Variants in DOK6 observed in about 807,000 individuals in gnomAD.
DOK6 encodes docking protein 6, also known as downstream of tyrosine kinase 6.
Under a neutral mutation model 44.0 loss-of-function variants are expected in DOK6, and 22 were observed. The ratio of observed to expected loss-of-function variants is 0.50; its 90% CI spans 0.36 to 0.71. The LOEUF is 0.71. DOK6 is among the 30% of genes least tolerant of loss of function. The pLI, the probability that DOK6 is intolerant of heterozygous loss-of-function variation, is 0.00. For missense variants in DOK6, 340 were observed against 416.4 expected, an observed-to-expected ratio of 0.82 and a Z score of 1.60; for synonymous variants, 166 against 145.5, an observed-to-expected ratio of 1.14 and a Z score of -1.01.
chr18:69,459,320 T>A (rs969633740), intron 1 of DOK6, among the ~76,000 whole-genome samples: 3 of 151,850 alleles, frequency 2.0e-5, no homozygotes, highest in African/African-American at 7.3e-5. Flanking sequence ...TTTCTAGGGC[T>A]CATACATTTC....
chr18:69,727,650 A>C (rs976742305), intron 5 of DOK6, among the ~76,000 whole-genome samples: 1 of 152,236 alleles, frequency 6.6e-6, no homozygotes, highest in Non-Finnish European at 1.5e-5. Context: ...CGGTAAAAGA[A>C]AACCTTTGCC....
intron 1 of DOK6, among the ~76,000 whole-genome samples, chr18:69,496,033 T>C (rs756821726): frequency 1.3e-5 from 2 of 152,150 alleles, no homozygotes; most frequent in Non-Finnish European, 2.9e-5. Flanking sequence ...CTGCAGGGCA[T>C]TGTGGCTTGT....
intron 7 of DOK6, among the ~76,000 whole-genome samples, chr18:69,824,380 G>A (rs1374893718): frequency 6.6e-6 from 1 of 151,818 alleles, no homozygotes; most frequent in African/African-American, 2.4e-5. Flanking sequence ...GTCTCACTCT[G>A]TTGCCCAGGC....
At chr18:69,569,579 A>G (rs962130382) in intron 2 of DOK6, among the ~76,000 whole-genome samples, 1 of 152,256 alleles carries the variant, frequency 6.6e-6, no homozygotes, top group African/African-American at 2.4e-5. Flanking sequence ...TCAACCTGAT[A>G]TGATTCAGAT....
chr18:69,601,798 G>A (rs1390757774), intron 3 of DOK6, among the ~76,000 whole-genome samples: 1 of 152,132 alleles, frequency 6.6e-6, no homozygotes, highest in African/African-American at 2.4e-5. Flanking sequence ...TAGATTCTAG[G>A]ACCGGGGCAT....
intron 3 of DOK6, chr18:69,662,775 T>C (rs1187631249): frequency 6.6e-6 from 1 of 152,210 alleles, no homozygotes; most frequent in Non-Finnish European, 1.5e-5. Flanking sequence ...AACTCCACAA[T>C]GATGTTTAGC....
chr18:69,545,966 A>G (rs1982392650), intron 1 of DOK6, among the ~76,000 whole-genome samples: 1 of 151,472 alleles, frequency 6.6e-6, no homozygotes, highest in Non-Finnish European at 1.5e-5. Context: ...ATAGATGCAT[A>G]TATTCATGTA....
chr18:69,824,055 A>ATTTT (rs1423251717), intron 7 of DOK6, among the ~76,000 whole-genome samples: 16,555 of 151,338 alleles, frequency 0.11, 1,068 homozygotes, highest in Non-Finnish European at 0.12. Flanking sequence ...TTTTTTTTTA[A>ATTTT]AAATTATACT....
intron 1 of DOK6, among the ~76,000 whole-genome samples, chr18:69,422,760 T>A (rs1025139038): frequency 6.6e-6 from 1 of 152,210 alleles, no homozygotes; most frequent in Non-Finnish European, 1.5e-5. Context: ...GCTAGATTAA[T>A]TTTTCAAAAT....
At chr18:69,603,331 A>G (rs1385550723) in intron 3 of DOK6, among the ~76,000 whole-genome samples, 1 of 152,118 alleles carries the variant, frequency 6.6e-6, no homozygotes, top group Non-Finnish European at 1.5e-5. Flanking sequence ...GTAGCCCCTA[A>G]TCCTACAATT....
At chr18:69,504,231 ATC>A (rs1981123450) in intron 1 of DOK6, among the ~76,000 whole-genome samples, 1 of 152,096 alleles carries the variant, frequency 6.6e-6, no homozygotes, top group African/African-American at 2.4e-5. Context: ...ACAAAGATCT[ATC>A]TCTTTGTTGT....
At chr18:69,688,905 T>C (rs1986208576) in intron 4 of DOK6, among the ~76,000 whole-genome samples, 1 of 152,190 alleles carries the variant, frequency 6.6e-6, no homozygotes, top group Non-Finnish European at 1.5e-5. Context: ...CCTGAACCCC[T>C]ATGCACACCA....
At chr18:69,651,482 C>T (rs111276393) in intron 3 of DOK6, among the ~76,000 whole-genome samples, 1,621 of 116,954 alleles carry the variant, frequency 0.014, 68 homozygotes, top group African/African-American at 0.052. Context: ...CCCCCCGCTC[C>T]TTTTTTTTTT....
chr18:69,775,917 A>G (rs1980049351), intron 7 of DOK6, among the ~76,000 whole-genome samples: 1 of 151,928 alleles, frequency 6.6e-6, no homozygotes, highest in South Asian at 2.1e-4. Context: ...CATCAGCAAG[A>G]TGCAATATAT....
intron 2 of DOK6, among the ~76,000 whole-genome samples, chr18:69,569,553 G>GA (rs1983065029): frequency 6.6e-6 from 1 of 152,108 alleles, no homozygotes; most frequent in Non-Finnish European, 1.5e-5. Flanking sequence ...AAAAGGAAAA[G>GA]AAAATCAGCA....
intron 3 of DOK6, among the ~76,000 whole-genome samples, chr18:69,669,885 T>C (rs561620382): frequency 5.1e-4 from 77 of 152,366 alleles, no homozygotes; most frequent in African/African-American, 1.8e-3. Flanking sequence ...GCTTGGAAGC[T>C]TTCCTATTAG....
intron 3 of DOK6, among the ~76,000 whole-genome samples, chr18:69,625,748 T>C (rs558609132): frequency 6.6e-5 from 10 of 152,336 alleles, no homozygotes; most frequent in Non-Finnish European, 1.3e-4. Flanking sequence ...CAGGACTCAA[T>C]ATTCACATAA....
intron 5 of DOK6, among the ~76,000 whole-genome samples, chr18:69,730,427 A>C (rs904359668): frequency 3.3e-5 from 5 of 152,216 alleles, no homozygotes; most frequent in African/African-American, 1.2e-4. Flanking sequence ...CCTAAACTAG[A>C]ATTTGTTAGT....
chr18:69,556,211 C>T (rs1171956609), intron 1 of DOK6, among the ~76,000 whole-genome samples: 2 of 152,176 alleles, frequency 1.3e-5, no homozygotes, highest in Non-Finnish European at 2.9e-5. Flanking sequence ...CTCTCAACTC[C>T]AGCCACCTTG....
Sources: allele counts gnomAD v4.1 joint callset (sites outside exome capture counted in the v4.1 genomes callset), GRCh38; gene constraint gnomAD v4.1.1; transcripts MANE v1.5; gene names NCBI Gene and HGNC (gene_info 2026-07-23, HGNC 2026-07-21).